The following SUMF1 variants were observed in gnomAD, a reference collection of about 807,000 sequenced individuals.
SUMF1 encodes the protein sulfatase modifying factor 1.
In SUMF1, 48 loss-of-function variants were observed where a neutral mutation model predicts 47.6. The observed-to-expected ratio is 1.01, with a 90% CI of 0.80 to 1.28. The LOEUF is 1.28. Among genes scored for constraint, SUMF1 ranks in the 50% most tolerant of loss-of-function variants. SUMF1 has a pLI of 0.00. For missense variants in SUMF1, 571 were observed against 485.4 expected, an observed-to-expected ratio of 1.18 and a Z score of -1.66; for synonymous variants, 230 against 192.1, an observed-to-expected ratio of 1.20 and a Z score of -1.63.
intron 8 of SUMF1, among the ~76,000 whole-genome samples, chr3:4,352,731 TAAAAAAAAAAAA>T (rs34628235): frequency 9.2e-6 from 1 of 108,252 alleles, no homozygotes; most frequent in Non-Finnish European, 2.0e-5. Context: ...TTGCTGCGTG[TAAAAAAAAAAAA>T]AAAAAAAAAA....
intron 8 of SUMF1, among the ~76,000 whole-genome samples, chr3:4,235,211 T>A (rs914535484): frequency 3.3e-5 from 5 of 152,116 alleles, no homozygotes; most frequent in Admixed American, 1.3e-4. Flanking sequence ...TATGACTGGC[T>A]GGATAAAGGG....
chr3:4,161,604 G>A (rs1254906346), intron 8 of SUMF1, among the ~76,000 whole-genome samples: 1 of 151,846 alleles, frequency 6.6e-6, no homozygotes, highest in East Asian at 1.9e-4. Context: ...AGAGAGTACT[G>A]CCAGACTACC....
intron 7 of SUMF1, among the ~76,000 whole-genome samples, chr3:4,385,711 A>T (rs1700650193): frequency 6.6e-6 from 1 of 152,176 alleles, no homozygotes; most frequent in African/African-American, 2.4e-5. Flanking sequence ...GCCTAGGCCT[A>T]GATCTCAGAT....
At chr3:4,133,732 G>T (rs1321599086) in intron 8 of SUMF1, among the ~76,000 whole-genome samples, 1 of 152,054 alleles carries the variant, frequency 6.6e-6, no homozygotes, top group African/African-American at 2.4e-5. Context: ...GGCTCTCCTT[G>T]TTCCTCAGCC....
chr3:4,143,424 T>C (rs538834110), intron 8 of SUMF1, among the ~76,000 whole-genome samples: 3 of 152,148 alleles, frequency 2.0e-5, no homozygotes, highest in South Asian at 2.1e-4. Flanking sequence ...CTAAGGAACA[T>C]AATGAGAAGG....
chr3:4,373,685 A>C (rs1192956287), intron 8 of SUMF1, among the ~76,000 whole-genome samples: 1 of 152,212 alleles, frequency 6.6e-6, no homozygotes, highest in African/African-American at 2.4e-5. Context: ...AAATAAGTTA[A>C]TATTTAACAA....
intron 7 of SUMF1, among the ~76,000 whole-genome samples, chr3:4,410,461 A>G (rs952567742): frequency 2.6e-5 from 4 of 152,220 alleles, no homozygotes; most frequent in Admixed American, 2.0e-4. Context: ...CTGAATCAAA[A>G]TTTCAACCCA....
intron 3 of SUMF1, among the ~76,000 whole-genome samples, chr3:4,442,651 AAGAGAGAG>A (rs1702643245): frequency 8.8e-5 from 3 of 33,924 alleles, no homozygotes; most frequent in African/African-American, 1.4e-4. Context: ...AAAAAAAAAA[AAGAGAGAG>A]AAAAAGGAAA....
At chr3:4,191,637 C>G (rs1695317509) in intron 8 of SUMF1, among the ~76,000 whole-genome samples, 1 of 151,982 alleles carries the variant, frequency 6.6e-6, no homozygotes, top group Non-Finnish European at 1.5e-5. Context: ...TATATTTAGG[C>G]TGTAGAATCA....
At position 4,420,030 on chromosome 3, in the gene SUMF1, A is replaced by T. The variant is rs777638545; in HGVS notation, c.602+34T>A. 8 of 1,588,870 alleles carry T rather than the reference A, an allele frequency of 5.0e-6. No homozygotes were observed. In the Admixed American group the frequency reaches 8.3e-5, roughly 17 times the overall value. ...CAAAGGGTACCTATTTTGCAATGGA[A>T]CTTGTCAACTGGGGAAAGAGGGACC... is the stretch of plus-strand genomic sequence containing the variant. On this transcript the variant is annotated intron_variant, in intron 4 of 8. Coordinates refer to ENST00000272902, the MANE Select transcript of SUMF1 (RefSeq NM_182760.4).
intron 8 of SUMF1, among the ~76,000 whole-genome samples, chr3:4,121,581 A>G (rs1693542872): frequency 1.3e-5 from 2 of 152,182 alleles, no homozygotes; most frequent in Admixed American, 6.5e-5. Flanking sequence ...TTTGAAAAGT[A>G]AACACATGCT....
In SUMF1 at chr3:4,418,259, A is replaced by C; in HGVS notation, c.603-127T>G. 6.5e-6 allele frequency: 9 copies of C among 1,382,526 alleles called. No individual in the cohort carries two copies. The South Asian group carries it at 1.1e-4, about 17-fold the overall frequency. The allele number at this position is 1,382,526 out of a possible 1,614,324, so 85.6% of individuals were successfully genotyped here. A position where few individuals can be genotyped will look rare whatever the true frequency, so the allele number is the denominator to read the frequency against. On this transcript the variant is annotated intron_variant, in intron 4 of 8. Transcript: ENST00000272902. Reference sequence around the variant, plus strand: ...GACACTGAGGTCATCCTGGTCCTTAAGTCAAACCCCAGCCATGCTACATCT... The same window carrying C: ...GACACTGAGGTCATCCTGGTCCTTACGTCAAACCCCAGCCATGCTACATCT...
intron 3 of SUMF1, among the ~76,000 whole-genome samples, chr3:4,424,628 TCC>T (rs1702010291): frequency 6.6e-6 from 1 of 151,734 alleles, no homozygotes; most frequent in African/African-American, 2.4e-5. Flanking sequence ...GTCCTTGGTG[TCC>T]ATGAAAAAAG....
intron 8 of SUMF1, among the ~76,000 whole-genome samples, chr3:4,308,470 A>G (rs1698279127): frequency 2.0e-5 from 3 of 152,254 alleles, no homozygotes; most frequent in Admixed American, 6.5e-5. Flanking sequence ...TAAAAGTAAT[A>G]TCTAGAAGAA....
intron 8 of SUMF1, among the ~76,000 whole-genome samples, chr3:4,157,331 T>A (rs749480703): frequency 6.6e-6 from 1 of 151,496 alleles, no homozygotes; most frequent in Non-Finnish European, 1.5e-5. Context: ...TCACTTCATA[T>A]AGTATTAGCC....
intron 9 of SUMF1, among the ~76,000 whole-genome samples, chr3:4,042,994 TG>T (rs1242331754): frequency 6.6e-6 from 1 of 151,852 alleles, no homozygotes; most frequent in East Asian, 1.9e-4. Context: ...CAGGAGCTCC[TG>T]TCTCCTCTGA....
chr3:4,367,727 C>A (rs1198865881), intron 8 of SUMF1, among the ~76,000 whole-genome samples: 1 of 152,144 alleles, frequency 6.6e-6, no homozygotes, highest in Non-Finnish European at 1.5e-5. Context: ...CAAAAACAAG[C>A]AATGGGGAAA....
intron 8 of SUMF1, among the ~76,000 whole-genome samples, chr3:4,146,850 TA>T (rs1165235121): frequency 1.3e-5 from 2 of 152,084 alleles, no homozygotes; most frequent in Non-Finnish European, 2.9e-5. Flanking sequence ...TCCATGTCCC[TA>T]AAAAGGACAT....
intron 8 of SUMF1, among the ~76,000 whole-genome samples, chr3:4,167,393 G>C (rs1166917394): frequency 1.3e-5 from 2 of 152,078 alleles, no homozygotes; most frequent in African/African-American, 4.8e-5. Flanking sequence ...GACTCCTGCT[G>C]AATGGTCCAT....
Sources: gnomAD v4.1 joint callset for allele counts (sites outside exome capture counted in the v4.1 genomes callset) on GRCh38, gnomAD v4.1.1 for gene constraint, MANE v1.5 for transcripts, NCBI Gene and HGNC (gene_info 2026-07-23, HGNC 2026-07-21) for gene names.